Variants in CDC42BPA observed in about 807,000 individuals in gnomAD.
The protein encoded by CDC42BPA is serine/threonine-protein kinase MRCK alpha.
In CDC42BPA, 80 loss-of-function variants were observed where a neutral mutation model predicts 223.5. The ratio of observed to expected loss-of-function variants is 0.36; its 90% CI spans 0.30 to 0.43. The LOEUF is 0.43. CDC42BPA is among the 20% of genes least tolerant of loss of function. The pLI, the probability that CDC42BPA is intolerant of heterozygous loss-of-function variation, is 1.00. For synonymous variants in CDC42BPA, 694 were observed against 718.6 expected, an observed-to-expected ratio of 0.97 and a Z score of 0.55; for missense variants, 1,743 against 2,099.9, an observed-to-expected ratio of 0.83 and a Z score of 3.32.
At chr1:227,013,013 G>A (rs1343123711) in intron 34 of CDC42BPA, among the ~76,000 whole-genome samples, 3 of 152,082 alleles carry the variant, frequency 2.0e-5, no homozygotes, top group Non-Finnish European at 4.4e-5. Flanking sequence ...AAAAAGTCAT[G>A]TGACAATAAA....
intron 21 of CDC42BPA, among the ~76,000 whole-genome samples, chr1:227,056,598 C>T (rs1344936937): frequency 1.3e-5 from 2 of 152,020 alleles, no homozygotes; most frequent in Admixed American, 6.5e-5. Context: ...CCCTATGTTG[C>T]CCAGGATGGT....
intron 9 of CDC42BPA, among the ~76,000 whole-genome samples, chr1:227,141,607 G>A (rs1281037986): frequency 1.3e-5 from 2 of 152,170 alleles, no homozygotes; most frequent in East Asian, 3.9e-4. Context: ...AGTGAAAGGA[G>A]ATGCAAGCTG....
At chr1:227,272,992 G>C (rs1368473189) in intron 1 of CDC42BPA, among the ~76,000 whole-genome samples, 1 of 152,134 alleles carries the variant, frequency 6.6e-6, no homozygotes, top group Non-Finnish European at 1.5e-5. Context: ...ACATAAGTGA[G>C]ATAAAAACTT....
At chr1:227,230,108 TTA>T (rs1225845640) in intron 2 of CDC42BPA, among the ~76,000 whole-genome samples, 11 of 152,304 alleles carry the variant, frequency 7.2e-5, no homozygotes, top group Non-Finnish European at 1.6e-4. Flanking sequence ...GAACTCCAAG[TTA>T]TGTTTTTCCT....
intron 1 of CDC42BPA, among the ~76,000 whole-genome samples, chr1:227,299,514 C>A (rs1691267615): frequency 6.6e-6 from 1 of 152,078 alleles, no homozygotes; most frequent in Non-Finnish European, 1.5e-5. Flanking sequence ...AATATTTCAT[C>A]CTAACCCTAT....
chr1:227,313,087 T>C (rs1693805789), intron 1 of CDC42BPA, among the ~76,000 whole-genome samples: 1 of 151,980 alleles, frequency 6.6e-6, no homozygotes, highest in African/African-American at 2.4e-5. Context: ...AAGCAATACA[T>C]AAAATAAAAA....
intron 1 of CDC42BPA, among the ~76,000 whole-genome samples, chr1:227,277,023 A>C (rs1188751974): frequency 6.6e-6 from 1 of 151,526 alleles, no homozygotes; most frequent in Non-Finnish European, 1.5e-5. Flanking sequence ...CTATTGTCCT[A>C]TGACCCTGCC....
chr1:226,994,873 C>T lies in CDC42BPA; in HGVS notation c.5083G>A (p.Gly1695Arg), dbSNP rs749751520. The T allele has an allele frequency of 1.2e-5, 19 of 1,613,874 alleles. No individual in the cohort carries two copies. In the East Asian group the frequency reaches 2.2e-4, roughly 19 times the overall value. The change falls in exon 36 of 37, where the codon GGA becomes AGA. Residue 1695 changes from glycine to arginine, a missense_variant. Coordinates refer to ENST00000366766, the MANE Select transcript of CDC42BPA (RefSeq NM_001394014.1). This position sits in a 1 kb window ranked among gnomAD's most constrained non-coding sequence, Gnocchi z 4.0. ...PSPSEGSLSS[G>R]GMDQGSDAPA... ...GCATCACTTCCTTGGTCCATGCCTC[C>T]AGAGGACAAAGAGCCCTCTGACGGG...
intron 32 of CDC42BPA, among the ~76,000 whole-genome samples, chr1:227,021,055 T>C (rs1299799835): frequency 1.3e-5 from 2 of 152,160 alleles, no homozygotes; most frequent in African/African-American, 4.8e-5. Flanking sequence ...AAGTTTGGCA[T>C]CTTATATGGG....
At chr1:227,126,496 GAA>G (rs1689641880) in intron 11 of CDC42BPA, among the ~76,000 whole-genome samples, 1 of 122,310 alleles carries the variant, frequency 8.2e-6, no homozygotes, top group South Asian at 2.6e-4. Context: ...AGGAAGGAAG[GAA>G]GGAAGGAAGG....
chr1:227,244,495 G>GGT (rs1015986126), intron 2 of CDC42BPA, among the ~76,000 whole-genome samples: 10 of 37,472 alleles, frequency 2.7e-4, no homozygotes, highest in African/African-American at 1.3e-3. Context: ...TTCACATGGT[G>GGT]GGGGGGGGCA....
At chr1:227,188,536 A>T (rs1669208735) in intron 5 of CDC42BPA, among the ~76,000 whole-genome samples, 1 of 152,212 alleles carries the variant, frequency 6.6e-6, no homozygotes, top group Admixed American at 6.5e-5. Context: ...ATAGAATGTT[A>T]CTCACTAAAA....
chr1:227,031,069 T>C (rs1669184481), intron 28 of CDC42BPA, among the ~76,000 whole-genome samples: 2 of 152,186 alleles, frequency 1.3e-5, no homozygotes, highest in African/African-American at 2.4e-5. Context: ...CTTAGCACTG[T>C]TGTTTTTTCA....
chr1:227,233,066 G>A (rs560285135), intron 2 of CDC42BPA, among the ~76,000 whole-genome samples: 1 of 152,320 alleles, frequency 6.6e-6, no homozygotes, highest in Non-Finnish European at 1.5e-5. Context: ...AGCCAGGTGC[G>A]GGATATGATG....
At chr1:227,015,708 A>G (rs1666084520) in intron 34 of CDC42BPA, among the ~76,000 whole-genome samples, 1 of 151,920 alleles carries the variant, frequency 6.6e-6, no homozygotes, top group Non-Finnish European at 1.5e-5. Flanking sequence ...AGAGTAGGCC[A>G]AATATCTGTA....
At chr1:227,162,864 A>ATGTG (rs1261183207) in intron 5 of CDC42BPA, among the ~76,000 whole-genome samples, 1 of 26,154 alleles carries the variant, frequency 3.8e-5, no homozygotes, top group Non-Finnish European at 8.6e-5. Context: ...TAAAATAAAT[A>ATGTG]TATATGTGTG....
rs139384904 is a variant in CDC42BPA at position 227,129,115 on chromosome 1, C to T, written c.1507G>A (p.Val503Ile). The change falls in exon 11 of 37, where the codon GTA (valine) becomes ATA (isoleucine). Residue 503 changes from valine to isoleucine, a missense_variant. Around this residue, in one of 6 missense-constraint regions of CDC42BPA, gnomAD observed 464 missense variants for 488.0 expected, o/e 0.95. Transcript: ENST00000366766. ...KEEIEKLRKQ[V>I]TESSHLEQQL... ...GTGAATCACAGATATTTACCTGTTA[C>T]TTGTTTTCTTAGTTTTTCAATTTCT... The T allele has an allele frequency of 6.3e-6, 9 of 1,425,290 alleles. No individual in the cohort carries two copies. The African/African-American group carries it at 7.1e-5, about 11-fold the overall frequency. 88.3% of individuals were successfully genotyped at this position (1,425,290 alleles called of 1,614,324 possible). A position where few individuals can be genotyped will look rare whatever the true frequency, so the allele number is the denominator to read the frequency against.
chr1:227,078,325 A>T (rs1043336628), intron 17 of CDC42BPA, among the ~76,000 whole-genome samples: 1 of 152,170 alleles, frequency 6.6e-6, no homozygotes, highest in African/African-American at 2.4e-5. Flanking sequence ...TTTAAGTCTC[A>T]TAAGTTATCT....
chr1:227,217,512 A>AGT (rs1675080992), intron 2 of CDC42BPA, among the ~76,000 whole-genome samples: 1 of 151,692 alleles, frequency 6.6e-6, no homozygotes, highest in African/African-American at 2.4e-5. Flanking sequence ...CCTCTCTACT[A>AGT]CTTCTGCCCT....
Sources: allele counts gnomAD v4.1 joint callset (sites outside exome capture counted in the v4.1 genomes callset), GRCh38; gene constraint gnomAD v4.1.1; regional missense constraint gnomAD v4.1.1; non-coding constraint Gnocchi (gnomAD v3.1); transcripts MANE v1.5; gene names NCBI Gene and HGNC (gene_info 2026-07-23, HGNC 2026-07-21).